BMAL2: variants seen among roughly 807,000 people sequenced by gnomAD.
The protein encoded by BMAL2 is basic helix-loop-helix ARNT like 2.
the BMAL2 span, among the ~76,000 whole-genome samples, chr12:27,408,137 G>A: frequency 3.7e-3 from 565 of 152,220 alleles, 4 homozygotes; most frequent in Non-Finnish European, 4.6e-3. Flanking sequence ...GGACCAGATG[G>A]ATTCACAGCC....
the BMAL2 span, chr12:27,403,531 G>C: frequency 6.3e-7 from 1 of 1,582,646 alleles, no homozygotes; most frequent in Non-Finnish European, 8.6e-7. Context: ...TGAAATTCTG[G>C]ATTTACAGAG....
chr12:27,363,005 G>A, the BMAL2 span, among the ~76,000 whole-genome samples: 6 of 152,180 alleles, frequency 3.9e-5, no homozygotes, highest in East Asian at 9.7e-4. Flanking sequence ...GCATCTTGCT[G>A]TGTTGCCCAG....
the BMAL2 span, among the ~76,000 whole-genome samples, chr12:27,409,799 G>C: frequency 6.6e-6 from 1 of 152,066 alleles, no homozygotes; most frequent in East Asian, 1.9e-4. Flanking sequence ...CCATCAGAGT[G>C]AACAGGCAAC....
At chr12:27,338,690 G>T in the BMAL2 span, among the ~76,000 whole-genome samples, 1 of 152,226 alleles carries the variant, frequency 6.6e-6, no homozygotes, top group Non-Finnish European at 1.5e-5. Context: ...AACACAGGCA[G>T]CCTGTCTTAC....
At chr12:27,406,213 C>T in the BMAL2 span, among the ~76,000 whole-genome samples, 1 of 152,076 alleles carries the variant, frequency 6.6e-6, no homozygotes, top group African/African-American at 2.4e-5. Flanking sequence ...GCAAGGCAGG[C>T]CAACATTCAG....
the BMAL2 span, among the ~76,000 whole-genome samples, chr12:27,372,952 C>T: frequency 2.0e-5 from 3 of 152,146 alleles, no homozygotes; most frequent in African/African-American, 7.2e-5. Context: ...GGATTACAGG[C>T]GTGAGCCACT....
At chr12:27,407,383 A>G in the BMAL2 span, among the ~76,000 whole-genome samples, 1 of 152,242 alleles carries the variant, frequency 6.6e-6, no homozygotes. Context: ...CAGAAATTAT[A>G]ACAAACTATC....
At chr12:27,335,045 A>G in the BMAL2 span, among the ~76,000 whole-genome samples, 2 of 152,246 alleles carry the variant, frequency 1.3e-5, no homozygotes, top group South Asian at 4.1e-4. Flanking sequence ...CTGCTTATCT[A>G]AAGAGTAGTA....
the BMAL2 span, chr12:27,418,302 A>C: frequency 2.7e-6 from 2 of 736,374 alleles, no homozygotes; most frequent in Non-Finnish European, 4.4e-6. Flanking sequence ...GATAGTTTTA[A>C]AACTAAGGTT....
the BMAL2 span, chr12:27,387,406 TC>T: frequency 2.3e-6 from 2 of 867,650 alleles, no homozygotes; most frequent in Non-Finnish European, 3.8e-6. Flanking sequence ...GAACACCTTC[TC>T]CCCACTGGGA....
chr12:27,401,855 A>T, the BMAL2 span, among the ~76,000 whole-genome samples: 2 of 152,230 alleles, frequency 1.3e-5, no homozygotes, highest in Admixed American at 1.3e-4. Context: ...GAATTAAGCT[A>T]AAAGTTTTCA....
chr12:27,342,786 A>AACC, the BMAL2 span, among the ~76,000 whole-genome samples: 1 of 152,242 alleles, frequency 6.6e-6, no homozygotes, highest in Admixed American at 6.5e-5. Context: ...TCACCGAGGC[A>AACC]ACCACTCTGA....
chr12:27,357,259 GTAGATACC>G, the BMAL2 span, among the ~76,000 whole-genome samples: 1 of 151,794 alleles, frequency 6.6e-6, no homozygotes, highest in Non-Finnish European at 1.5e-5. Flanking sequence ...TTTCCTCTTG[GTAGATACC>G]TAGTAGTGGG....
At chr12:27,348,883 G>A in the BMAL2 span, among the ~76,000 whole-genome samples, 2 of 151,638 alleles carry the variant, frequency 1.3e-5, no homozygotes, top group Admixed American at 1.3e-4. Context: ...ATTAAGTGAA[G>A]CAGGATGAGC....
the BMAL2 span, among the ~76,000 whole-genome samples, chr12:27,379,657 T>C: frequency 6.6e-6 from 1 of 151,876 alleles, no homozygotes; most frequent in Non-Finnish European, 1.5e-5. Flanking sequence ...TGGGACAGTT[T>C]TAGTGGGGCA....
chr12:27,424,859 G>A, the BMAL2 span: 2 of 152,030 alleles, frequency 1.3e-5, no homozygotes, highest in African/African-American at 2.4e-5. Context: ...TTTTTTCCAA[G>A]CTCCATGGGG....
the BMAL2 span, chr12:27,401,677 A>G: frequency 1.3e-6 from 2 of 1,569,186 alleles, no homozygotes; most frequent in South Asian, 2.4e-5. Flanking sequence ...TTAGTTTTGT[A>G]AGTAATTTTT....
the BMAL2 span, chr12:27,422,463 G>A: frequency 6.6e-5 from 10 of 152,184 alleles, no homozygotes; most frequent in Non-Finnish European, 1.2e-4. Context: ...ATAACCAAAA[G>A]CAAATGTTTC....
chr12:27,351,000 T>TTC, the BMAL2 span, among the ~76,000 whole-genome samples: 1 of 115,188 alleles, frequency 8.7e-6, no homozygotes, highest in Non-Finnish European at 1.7e-5. Context: ...CCCCCTTTTT[T>TTC]TTTTTTGAGA....
Sources: gnomAD v4.1 joint callset for allele counts (sites outside exome capture counted in the v4.1 genomes callset) on GRCh38, gnomAD v4.1.1 for gene constraint, MANE v1.5 for transcripts, NCBI Gene and HGNC (gene_info 2026-07-23, HGNC 2026-07-21) for gene names.